TNFAIP8: variants seen among roughly 807,000 people sequenced by gnomAD.
TNFAIP8 encodes TNF alpha induced protein 8.
In TNFAIP8, 7 loss-of-function variants were observed where a neutral mutation model predicts 13.3. The observed-to-expected ratio is 0.52, with a 90% CI of 0.30 to 0.99. The LOEUF (loss-of-function observed/expected upper bound fraction) is 0.99, where lower values mean the gene tolerates loss of function less well. Among genes scored for constraint, TNFAIP8 ranks in the 50% least tolerant of loss-of-function variants. The pLI is 0.07. For missense variants in TNFAIP8, 258 were observed against 236.9 expected (o/e 1.09, Z -0.58); for synonymous variants, 94 against 87.6 (o/e 1.07, Z -0.41).
At chr5:119,364,030 C>T (rs897328906) in intron 1 of TNFAIP8, among the ~76,000 whole-genome samples, 1 of 152,186 alleles carries the variant, frequency 6.6e-6, no homozygotes, top group African/African-American at 2.4e-5. Flanking sequence ...ATGCAAGCTT[C>T]CATGCCTTGT....
chr5:119,347,752 T>C (rs902643808), intron 1 of TNFAIP8, among the ~76,000 whole-genome samples: 2 of 152,194 alleles, frequency 1.3e-5, no homozygotes, highest in East Asian at 3.8e-4. Flanking sequence ...TCTGCTTCAG[T>C]TCACATTTTC....
intron 1 of TNFAIP8, chr5:119,268,943 C>A: frequency 1.5e-6 from 1 of 685,976 alleles, no homozygotes; most frequent in Non-Finnish European, 2.7e-6. Context: ...CCCGCGCACA[C>A]TCCAGCGCGC....
chr5:119,295,384 G>T (rs1257790759), intron 1 of TNFAIP8, among the ~76,000 whole-genome samples: 1 of 151,718 alleles, frequency 6.6e-6, no homozygotes, highest in Admixed American at 6.6e-5. Flanking sequence ...TATTAAATAG[G>T]GAATCCTTTC....
At chr5:119,331,807 C>A (rs2112707605) in intron 1 of TNFAIP8, among the ~76,000 whole-genome samples, 1 of 152,292 alleles carries the variant, frequency 6.6e-6, no homozygotes, top group Non-Finnish European at 1.5e-5. Flanking sequence ...ATGCAGCCAC[C>A]ACTGAGGTCA....
At position 119,365,782 on chromosome 5, in the gene TNFAIP8, C is replaced by G. The variant is rs77760605; in HGVS notation, c.31+9661C>G. Among the ~76,000 whole-genome samples the G allele has an allele frequency of 1.3e-3, 205 of 152,180 alleles. 6 individuals carry two copies. The East Asian group carries it at 0.034, about 25-fold the overall frequency. On this transcript the variant is annotated intron_variant, in intron 1 of 1. Transcript: ENST00000504771. ...ATATCTAGAATGAAAATGCATGCCT[C>G]CTCAATATCACAAGTCTAAACATTC...
At chr5:119,374,891 A>C (rs1184122916) in intron 1 of TNFAIP8, among the ~76,000 whole-genome samples, 1 of 152,188 alleles carries the variant, frequency 6.6e-6, no homozygotes, top group African/African-American at 2.4e-5. Flanking sequence ...TACTAATTAC[A>C]GAAATAAAAC....
intron 1 of TNFAIP8, among the ~76,000 whole-genome samples, chr5:119,316,558 A>T (rs1372865583): frequency 2.0e-5 from 3 of 152,182 alleles, no homozygotes; most frequent in African/African-American, 7.2e-5. Flanking sequence ...GAGTTGGGTT[A>T]AATTGATTAA....
chr5:119,317,735 A>T (rs1453621459), intron 1 of TNFAIP8, among the ~76,000 whole-genome samples: 1 of 151,974 alleles, frequency 6.6e-6, no homozygotes, highest in Non-Finnish European at 1.5e-5. Flanking sequence ...AGTAGCTGGG[A>T]TTATAGGCAT....
chr5:119,355,248 C>A (rs1751339597), upstream of TNFAIP8: 2 of 694,362 alleles, frequency 2.9e-6, no homozygotes, highest in Admixed American at 4.1e-5. Flanking sequence ...TTGCTGGTAG[C>A]CGGGAGGGAA....
At chr5:119,360,077 T>C (rs1392867038) in intron 1 of TNFAIP8, among the ~76,000 whole-genome samples, 3 of 152,210 alleles carry the variant, frequency 2.0e-5, no homozygotes, top group Non-Finnish European at 1.5e-5. Flanking sequence ...GGAGCTTTTT[T>C]CCCCTCACTT....
chr5:119,385,326 G>A (rs1252523761), intron 1 of TNFAIP8, among the ~76,000 whole-genome samples: 1 of 152,176 alleles, frequency 6.6e-6, no homozygotes, highest in Non-Finnish European at 1.5e-5. Context: ...TTCTCTGGGA[G>A]GCTTCAGAAA....
At chr5:119,269,379 G>A (rs530230769) in intron 1 of TNFAIP8, among the ~76,000 whole-genome samples, 99 of 152,336 alleles carry the variant, frequency 6.5e-4, no homozygotes, top group African/African-American at 2.2e-3. Context: ...AAAACGGGCA[G>A]AGACCAGAGC....
chr5:119,327,286 T>A (rs886684169), intron 1 of TNFAIP8, among the ~76,000 whole-genome samples: 4 of 152,134 alleles, frequency 2.6e-5, no homozygotes, highest in Non-Finnish European at 5.9e-5. Flanking sequence ...ACATGTGGGC[T>A]CAGGGTACAG....
intron 1 of TNFAIP8, among the ~76,000 whole-genome samples, chr5:119,299,497 T>A (rs550196125): frequency 6.6e-5 from 10 of 152,182 alleles, no homozygotes; most frequent in Non-Finnish European, 1.2e-4. Context: ...CCCGGCCGTG[T>A]GAGGTGTCAG....
chr5:119,275,732 T>A (rs1417271326), intron 1 of TNFAIP8, among the ~76,000 whole-genome samples: 1 of 152,212 alleles, frequency 6.6e-6, no homozygotes, highest in Non-Finnish European at 1.5e-5. Flanking sequence ...AGTTTTTAAT[T>A]TATCATTCTA....
intron 1 of TNFAIP8, among the ~76,000 whole-genome samples, chr5:119,376,564 C>A (rs572929526): frequency 6.8e-6 from 1 of 147,370 alleles, no homozygotes; most frequent in East Asian, 2.1e-4. Context: ...GTCTTCCCAC[C>A]CCCCCCGTCT....
At chr5:119,392,767 C>A in intron 1 of TNFAIP8, 49 bp from the exon 2 acceptor site, 1 of 1,475,744 alleles carries the variant, frequency 6.8e-7, no homozygotes, top group Non-Finnish European at 9.0e-7. Context: ...GCTTCACTTG[C>A]TGATATTTAC....
At chr5:119,272,822 C>T (rs557942661) in intron 1 of TNFAIP8, among the ~76,000 whole-genome samples, 13 of 152,214 alleles carry the variant, frequency 8.5e-5, no homozygotes, top group African/African-American at 2.4e-4. Flanking sequence ...TGCCCTTTTC[C>T]GTATAGGACA....
chr5:119,294,913 T>C (rs1311818034), intron 1 of TNFAIP8, among the ~76,000 whole-genome samples: 2 of 151,792 alleles, frequency 1.3e-5, no homozygotes, highest in East Asian at 3.9e-4. Context: ...GTAAATTTGT[T>C]TGAGTTCATT....
Sources: allele counts gnomAD v4.1 joint callset (sites outside exome capture counted in the v4.1 genomes callset), GRCh38; gene constraint gnomAD v4.1.1; transcripts MANE v1.5; gene names NCBI Gene and HGNC (gene_info 2026-07-23, HGNC 2026-07-21).